MGAT4C: variants seen among roughly 807,000 people sequenced by gnomAD.
MGAT4C encodes alpha-1,3-mannosyl-glycoprotein 4-beta-N-acetylglucosaminyltransferase C.
MGAT4C carries 19 observed loss-of-function variants against 40.1 expected under a neutral mutation model. The observed-to-expected ratio is 0.47, with a 90% CI of 0.33 to 0.70. The LOEUF (loss-of-function observed/expected upper bound fraction) is 0.70. Ranked by LOEUF, MGAT4C falls within the 30% of genes least tolerant of loss-of-function variation. MGAT4C has a pLI of 0.02. For synonymous variants in MGAT4C, 181 were observed against 187.1 expected (o/e 0.97, Z 0.27); for missense variants, 491 against 563.2 (o/e 0.87, Z 1.30).
intron 3 of MGAT4C, among the ~76,000 whole-genome samples, chr12:86,391,519 A>T (rs1956159348): frequency 6.6e-6 from 1 of 152,220 alleles, no homozygotes; most frequent in Admixed American, 6.5e-5. Flanking sequence ...GATAAGGTCC[A>T]GTTGTAATAT....
intron 1 of MGAT4C, among the ~76,000 whole-genome samples, chr12:86,246,216 C>T (rs1307169978): frequency 3.2e-5 from 4 of 126,156 alleles, no homozygotes; most frequent in African/African-American, 1.2e-4. Flanking sequence ...GACAGAGTCT[C>T]GCTCAGTTGC....
At chr12:86,758,169 A>G (rs1353092667) in intron 1 of MGAT4C, among the ~76,000 whole-genome samples, 2 of 152,094 alleles carry the variant, frequency 1.3e-5, no homozygotes, top group African/African-American at 4.8e-5. Flanking sequence ...CATTTCAATT[A>G]CCCAAAGTTT....
At chr12:86,271,474 T>A (rs1952945878) in intron 4 of MGAT4C, among the ~76,000 whole-genome samples, 1 of 152,166 alleles carries the variant, frequency 6.6e-6, no homozygotes, top group Non-Finnish European at 1.5e-5. Flanking sequence ...TAAGCTACCA[T>A]CTTATACCTG....
At chr12:86,328,409 T>C (rs925598722) in intron 4 of MGAT4C, among the ~76,000 whole-genome samples, 7 of 152,156 alleles carry the variant, frequency 4.6e-5, no homozygotes, top group Non-Finnish European at 4.4e-5. Flanking sequence ...AGTATGTCTA[T>C]AGAAAAGTCT....
chr12:86,208,096 A>G (rs1223273709), intron 1 of MGAT4C, among the ~76,000 whole-genome samples: 2 of 152,126 alleles, frequency 1.3e-5, no homozygotes, highest in Non-Finnish European at 2.9e-5. Context: ...CCTCCCTGTC[A>G]TCCCAACCCT....
intron 4 of MGAT4C, among the ~76,000 whole-genome samples, chr12:86,327,361 T>G (rs1258375009): frequency 1.3e-5 from 2 of 152,054 alleles, no homozygotes; most frequent in African/African-American, 4.8e-5. Context: ...TTATTTAGAT[T>G]GCTGAGTTGA....
chr12:86,075,722 G>A (rs886905890), intron 1 of MGAT4C, among the ~76,000 whole-genome samples: 5 of 152,184 alleles, frequency 3.3e-5, no homozygotes, highest in African/African-American at 1.2e-4. Context: ...GCATCTGCAG[G>A]CTCAGCACCA....
rs527696710 is a variant in MGAT4C, at chr12:85,986,345, A to G, written c.148-2675T>C. Reference sequence around the variant, plus strand: ...TCAATGAACTAGCTGCAGACTAAATATATACCCTTGTGGCTACTTTGAAGA... The same window carrying G: ...TCAATGAACTAGCTGCAGACTAAATGTATACCCTTGTGGCTACTTTGAAGA... On this transcript the variant is annotated intron_variant, in intron 3 of 4. Transcript: ENST00000611864. Among the ~76,000 whole-genome samples, 5 of 152,300 alleles carry G rather than the reference A, an allele frequency of 3.3e-5. No homozygotes were observed. In the South Asian group the frequency reaches 1.0e-3, roughly 32 times the overall value.
In MGAT4C at chr12:85,976,479, G is replaced by A. The variant is rs1204382827; in HGVS notation, c.*2810C>T. On this transcript the variant is annotated 3_prime_UTR_variant, in exon 5 of 5. Coordinates refer to ENST00000611864, the MANE Select transcript of MGAT4C (RefSeq NM_001351288.2). ...CCCCTAAGGAGAATTTTAAGACTAA[G>A]TAAGGTTTTTAGTGAGCTTAAATTA... The A allele has an allele frequency of 1.3e-5, 2 of 150,490 alleles. No individual in the cohort carries two copies. The highest frequency in any genetic ancestry group is 1.3e-4 in the Admixed American group (2 of 15,064). 9.3% of individuals were successfully genotyped at this position (150,490 alleles called of 1,614,324 possible).
At chr12:86,603,741 CTATATATTA>C (rs1408222167) in intron 2 of MGAT4C, among the ~76,000 whole-genome samples, 1 of 123,256 alleles carries the variant, frequency 8.1e-6, no homozygotes, top group African/African-American at 3.1e-5. Context: ...ATTATATATA[CTATATATTA>C]TATATAATAT....
At chr12:86,123,427 T>G (rs950762632) in intron 1 of MGAT4C, among the ~76,000 whole-genome samples, 1 of 152,166 alleles carries the variant, frequency 6.6e-6, no homozygotes, top group Non-Finnish European at 1.5e-5. Flanking sequence ...TTCAGATATA[T>G]TCATAATCAT....
At chr12:86,375,623 C>T (rs1661271745) in intron 3 of MGAT4C, among the ~76,000 whole-genome samples, 1 of 151,752 alleles carries the variant, frequency 6.6e-6, no homozygotes, top group Non-Finnish European at 1.5e-5. Flanking sequence ...TTTACAGAAC[C>T]AGATTATTTG....
intron 2 of MGAT4C, among the ~76,000 whole-genome samples, chr12:86,625,076 A>C (rs1440417706): frequency 6.6e-6 from 1 of 151,964 alleles, no homozygotes; most frequent in Admixed American, 6.6e-5. Context: ...AGGGCTCTTC[A>C]AAAGGGGCCC....
chr12:86,828,845 T>C (rs1244129454), intron 1 of MGAT4C, among the ~76,000 whole-genome samples: 1 of 151,506 alleles, frequency 6.6e-6, no homozygotes, highest in African/African-American at 2.4e-5. Flanking sequence ...GTGGTTGCCT[T>C]GGGTGACAAA....
chr12:86,768,390 A>G (rs1231554747), intron 1 of MGAT4C, among the ~76,000 whole-genome samples: 9 of 152,174 alleles, frequency 5.9e-5, no homozygotes, highest in Admixed American at 5.9e-4. Context: ...ATGGAAGAAC[A>G]TTCCATGCTC....
intron 2 of MGAT4C, among the ~76,000 whole-genome samples, chr12:86,029,174 T>C (rs1890513313): frequency 6.6e-6 from 1 of 151,880 alleles, no homozygotes; most frequent in Admixed American, 6.6e-5. Flanking sequence ...AGGCTCTGTG[T>C]AAGAAGTTTA....
intron 2 of MGAT4C, among the ~76,000 whole-genome samples, chr12:86,467,952 T>C (rs1957705305): frequency 6.6e-6 from 1 of 152,110 alleles, no homozygotes; most frequent in African/African-American, 2.4e-5. Context: ...TTAGCTGCTA[T>C]CTTTTTCCAC....
intron 2 of MGAT4C, among the ~76,000 whole-genome samples, chr12:86,629,427 C>T (rs1281196870): frequency 2.0e-5 from 3 of 152,094 alleles, no homozygotes; most frequent in African/African-American, 4.8e-5. Context: ...CAGAACTGTC[C>T]ACCCCAAATC....
At chr12:86,301,863 G>T (rs578212721) in intron 4 of MGAT4C, among the ~76,000 whole-genome samples, 43 of 152,260 alleles carry the variant, frequency 2.8e-4, no homozygotes, top group Admixed American at 9.8e-4. Context: ...TACAATCAAG[G>T]TTTATGATAT....
Sources: gnomAD v4.1 joint callset for allele counts (sites outside exome capture counted in the v4.1 genomes callset) on GRCh38, gnomAD v4.1.1 for gene constraint, MANE v1.5 for transcripts, NCBI Gene and HGNC (gene_info 2026-07-23, HGNC 2026-07-21) for gene names.